B3GLCT: variants seen among roughly 807,000 people sequenced by gnomAD.
B3GLCT encodes beta 3-glucosyltransferase.
A neutral mutation model predicts 63.4 loss-of-function variants in B3GLCT; 65 were observed. The observed-to-expected ratio is 1.03, with a 90% confidence interval of 0.84 to 1.26. The LOEUF (loss-of-function observed/expected upper bound fraction) is 1.26, where lower values mean the gene tolerates loss of function less well. Among genes scored for constraint, B3GLCT ranks in the 50% most tolerant of loss-of-function variants. The pLI, the probability that B3GLCT is intolerant of heterozygous loss-of-function variation, is 0.00. For synonymous variants in B3GLCT, 233 were observed against 219.2 expected (o/e 1.06, Z -0.55); for missense variants, 577 against 604.8 (o/e 0.95, Z 0.48).
intron 2 of B3GLCT, among the ~76,000 whole-genome samples, chr13:31,218,238 A>G (rs1828515): frequency 0.99 from 146,635 of 147,922 alleles, 72,688 homozygotes; most frequent in East Asian, 1. Flanking sequence ...CACCCAGGCT[A>G]GCATGCAGTG....
chr13:31,225,288 A>G (rs1157183916), intron 3 of B3GLCT, among the ~76,000 whole-genome samples: 2 of 152,162 alleles, frequency 1.3e-5, no homozygotes, highest in African/African-American at 4.8e-5. Flanking sequence ...AAATCATGGA[A>G]TTGTCTTATT....
intron 3 of B3GLCT, among the ~76,000 whole-genome samples, chr13:31,226,765 C>G (rs1406502489): frequency 2.6e-5 from 4 of 151,652 alleles, no homozygotes; most frequent in Non-Finnish European, 5.9e-5. Context: ...GAAATCTACT[C>G]TTTAAAAAAA....
At chr13:31,246,240 GAT>G (rs1383508526) in intron 4 of B3GLCT, among the ~76,000 whole-genome samples, 5 of 152,276 alleles carry the variant, frequency 3.3e-5, no homozygotes, top group Middle Eastern at 3.4e-3. Context: ...AAGCATATGA[GAT>G]ATGAAATTTT....
intron 11 of B3GLCT, among the ~76,000 whole-genome samples, chr13:31,286,461 T>A (rs1873334233): frequency 6.6e-6 from 1 of 152,236 alleles, no homozygotes; most frequent in Non-Finnish European, 1.5e-5. Context: ...TCTGTGTGAC[T>A]GTGTAATTCC....
intron 2 of B3GLCT, among the ~76,000 whole-genome samples, chr13:31,216,568 C>T (rs1210424741): frequency 6.6e-6 from 1 of 152,010 alleles, no homozygotes; most frequent in Non-Finnish European, 1.5e-5. Context: ...GCATAGTACC[C>T]AATAGGTAGT....
At chr13:31,260,413 T>C (rs1272124576) in intron 6 of B3GLCT, 1 of 153,616 alleles carries the variant, frequency 6.5e-6, no homozygotes, top group Non-Finnish European at 1.4e-5. Flanking sequence ...ATTTTCATCC[T>C]AGCACATTTC....
At chr13:31,326,672 C>T (rs918651674) in intron 14 of B3GLCT, among the ~76,000 whole-genome samples, 2 of 152,110 alleles carry the variant, frequency 1.3e-5, no homozygotes, top group African/African-American at 4.8e-5. Context: ...TCTTCACCAC[C>T]CCTCATCCTG....
chr13:31,253,974 C>A (rs1422384473), intron 6 of B3GLCT, among the ~76,000 whole-genome samples: 1 of 151,946 alleles, frequency 6.6e-6, no homozygotes, highest in East Asian at 1.9e-4. Flanking sequence ...AAGACTAAAC[C>A]AAGAAGAAGT....
At chr13:31,316,569 G>T (rs887713553) in intron 12 of B3GLCT, among the ~76,000 whole-genome samples, 2 of 151,028 alleles carry the variant, frequency 1.3e-5, no homozygotes, top group Admixed American at 1.3e-4. Context: ...GGGGCCTGTG[G>T]CCCCTTTGTT....
chr13:31,254,559 T>G (rs1055930961), intron 6 of B3GLCT, among the ~76,000 whole-genome samples: 2 of 152,210 alleles, frequency 1.3e-5, no homozygotes, highest in African/African-American at 2.4e-5. Context: ...AATATCATAC[T>G]GAATGGGCAA....
intron 6 of B3GLCT, among the ~76,000 whole-genome samples, chr13:31,259,861 T>C (rs918612932): frequency 6.6e-6 from 1 of 152,054 alleles, no homozygotes; most frequent in Non-Finnish European, 1.5e-5. Flanking sequence ...ATACTTTAAG[T>C]TTTAGGGTAC....
At chr13:31,244,812 G>A (rs140722640) in intron 4 of B3GLCT, among the ~76,000 whole-genome samples, 1 of 152,208 alleles carries the variant, frequency 6.6e-6, no homozygotes, top group East Asian at 1.9e-4. Flanking sequence ...TTGGGGATTA[G>A]TAGATTAAAA....
chr13:31,321,174 C>A (rs1342048255), intron 13 of B3GLCT, among the ~76,000 whole-genome samples: 2 of 152,232 alleles, frequency 1.3e-5, no homozygotes, highest in African/African-American at 4.8e-5. Context: ...AGGCACTGAT[C>A]TTTATATAGC....
intron 12 of B3GLCT, among the ~76,000 whole-genome samples, chr13:31,296,783 A>G (rs1191046937): frequency 6.6e-6 from 1 of 152,028 alleles, no homozygotes; most frequent in African/African-American, 2.4e-5. Context: ...AGTACACACA[A>G]CTTCAAATTT....
At chr13:31,276,651 A>T (rs1872800827) in intron 9 of B3GLCT, 51 bp from the exon 10 acceptor site, 1 of 1,141,414 alleles carries the variant, frequency 8.8e-7, no homozygotes, top group East Asian at 2.3e-5. Flanking sequence ...TGTGGGTGTG[A>T]AGTTAACGCT....
In B3GLCT at chr13:31,292,141, G is replaced by A. The variant is rs139567482; in HGVS notation, c.1064+5322G>A. On this transcript the variant is annotated intron_variant, in intron 12 of 14. Coordinates refer to ENST00000343307, the MANE Select transcript of B3GLCT (RefSeq NM_194318.4). ...TTATTGTTTTGCATGTGTTGAACCC[G>A]TCCTGCATCCCAGGTATGAAGCTGA... Among the ~76,000 whole-genome samples the A allele has an allele frequency of 5.7e-3, 864 of 152,268 alleles. 13 individuals are homozygous for A. Among genetic ancestry groups the A allele is most frequent in the African/African-American group, 0.02 (814 of 41,538 alleles).
chr13:31,210,416 T>G (rs1174054448), intron 1 of B3GLCT, among the ~76,000 whole-genome samples: 5 of 152,226 alleles, frequency 3.3e-5, no homozygotes, highest in African/African-American at 4.8e-5. Flanking sequence ...CAGCAAACAT[T>G]GAGCCTCAGG....
intron 4 of B3GLCT, among the ~76,000 whole-genome samples, chr13:31,240,317 T>C (rs1224507377): frequency 6.6e-6 from 1 of 152,200 alleles, no homozygotes; most frequent in African/African-American, 2.4e-5. Context: ...CTGACACTTC[T>C]AATTTTGTAG....
rs78368830 is a variant in B3GLCT, at chr13:31,228,786, A to G, written c.161-399A>G. Among the ~76,000 whole-genome samples, 593 of 152,370 alleles carry G rather than the reference A, an allele frequency of 3.9e-3. 3 individuals are homozygous for G. Among genetic ancestry groups the G allele is most frequent in the African/African-American group, 0.013 (559 of 41,588 alleles). On this transcript the variant is annotated intron_variant, in intron 3 of 14. Transcript: ENST00000343307. ...AATTTTAGAGGACATGTTTCAACTC[A>G]TAACAGGTAGCAGCACAGTGTAGGA...
Sources: allele counts gnomAD v4.1 joint callset (sites outside exome capture counted in the v4.1 genomes callset), GRCh38; gene constraint gnomAD v4.1.1; transcripts MANE v1.5; gene names NCBI Gene and HGNC (gene_info 2026-07-23, HGNC 2026-07-21).